SYNE2: variants seen among roughly 807,000 people sequenced by gnomAD.
SYNE2 encodes the protein nesprin-2.
In SYNE2, 431 loss-of-function variants were observed where a neutral mutation model predicts 856.3. The observed-to-expected ratio is 0.50, with a 90% CI of 0.47 to 0.55. The LOEUF (loss-of-function observed/expected upper bound fraction) is 0.55. Ranked by LOEUF, SYNE2 falls within the 20% of genes least tolerant of loss-of-function variation. SYNE2 has a pLI of 0.00. For synonymous variants in SYNE2, 2,923 were observed against 2,872.3 expected (o/e 1.02, Z -0.56); for missense variants, 8,129 against 8,023.2 (o/e 1.01, Z -0.50).
At chr14:64,224,714 A>C (rs1427292296) in intron 114 of SYNE2, among the ~76,000 whole-genome samples, 167 bp downstream of exon 114, 2 of 152,138 alleles carry the variant, frequency 1.3e-5, no homozygotes, top group Admixed American at 1.3e-4. Flanking sequence ...CTTCTTTGGG[A>C]TCACAGTAGG....
chr14:63,785,211 A>G (rs1470135561), intron 1 of SYNE2, among the ~76,000 whole-genome samples: 1 of 152,090 alleles, frequency 6.6e-6, no homozygotes, highest in Non-Finnish European at 1.5e-5. Flanking sequence ...CTGTAATCCC[A>G]GCACTTGGGA....
At chr14:64,121,337 A>G (rs1453251971) in intron 68 of SYNE2, among the ~76,000 whole-genome samples, 4 of 152,126 alleles carry the variant, frequency 2.6e-5, no homozygotes, top group African/African-American at 4.8e-5. Flanking sequence ...CCTGGACAAC[A>G]TGGTGAAACC....
intron 65 of SYNE2, among the ~76,000 whole-genome samples, chr14:64,109,552 C>T (rs1032032624): frequency 6.6e-6 from 1 of 152,154 alleles, no homozygotes; most frequent in Non-Finnish European, 1.5e-5. Flanking sequence ...CTATTAGGCT[C>T]CAGTGACTCT....
intron 94 of SYNE2, among the ~76,000 whole-genome samples, chr14:64,170,850 T>C (rs774785704): frequency 1.8e-4 from 28 of 152,120 alleles, no homozygotes; most frequent in Non-Finnish European, 3.8e-4. Flanking sequence ...GAAGGGCAAA[T>C]TCAATGGGTA....
At position 64,171,978 on chromosome 14, in the gene SYNE2, G is replaced by T. The variant is rs1317240415; in HGVS notation, c.17235+1516G>T. On this transcript the variant is annotated intron_variant, in intron 94 of 115. Transcript: ENST00000555002. Reference sequence around the variant, plus strand: ...CAATTCTCGTGTCTCAGCCTCCCAAGTAGCTGGGATTACAGGCGCCCGCCA... The same window carrying T: ...CAATTCTCGTGTCTCAGCCTCCCAATTAGCTGGGATTACAGGCGCCCGCCA... Among the ~76,000 whole-genome samples the T allele has an allele frequency of 3.3e-5, 5 of 152,184 alleles. No individual in the cohort carries two copies. In the East Asian group the frequency reaches 9.6e-4, roughly 29 times the overall value.
Position 64,007,206 on chromosome 14 carries a change from G to A in SYNE2, c.4561G>A (p.Ala1521Thr). Reference sequence around the variant, plus strand: ...AGTAGTCTTGTGGGAGAATACCAAAGCCTTGGTCACCGAATGGTAAGGAAA... The same window carrying A: ...AGTAGTCTTGTGGGAGAATACCAAAACCTTGGTCACCGAATGGTAAGGAAA... ...NTVVLWENTK[A>T]LVTECLEQCG... The change falls in exon 31 of 116, where the codon GCC (alanine) becomes ACC (threonine). Residue 1521 changes from alanine to threonine, a missense_variant. By Grantham distance (58) the Ala-to-Thr change is moderately conservative (BLOSUM62 0). This residue lies in a region of SYNE2 where 2,422 missense variants were observed against 2,357.4 expected (regional missense o/e 1.03). Transcript: ENST00000555002. 1.2e-6 allele frequency: 2 copies of A among 1,614,090 alleles called. No individual in the cohort carries two copies. The highest frequency in any genetic ancestry group is 8.5e-7 in the Non-Finnish European group (1 of 1,179,970).
chr14:63,997,103 G>A lies in SYNE2; in HGVS notation c.3097G>A (p.Ala1033Thr), dbSNP rs770646157. 5.0e-6 allele frequency: 8 copies of A among 1,614,088 alleles called. No individual in the cohort carries two copies. The East Asian group carries it at 1.8e-4, about 36-fold the overall frequency. ...AAAGATAGAAAGACTTCTGAAATGTGCTTCCGAGATTCATATGACACTGCA... is the reference window on the plus strand; with the variant it reads ...AAAGATAGAAAGACTTCTGAAATGTACTTCCGAGATTCATATGACACTGCA... The part of the protein sequence containing the change: ...EQKIERLLKC[A>T]SEIHMTLQPT... Residue 1033 changes from alanine (A) to threonine (T), a missense_variant, in exon 24 of 116, where the codon GCT becomes ACT. Ala to Thr is a moderately conservative substitution (Grantham distance 58). Coordinates refer to ENST00000555002, the MANE Select transcript of SYNE2 (RefSeq NM_182914.3).
intron 9 of SYNE2, among the ~76,000 whole-genome samples, chr14:63,962,255 C>T (rs2096328873): frequency 6.6e-6 from 1 of 151,944 alleles, no homozygotes; most frequent in Non-Finnish European, 1.5e-5. Context: ...TGGGTTTCAC[C>T]ATGTTGGCCA....
chr14:64,055,944 A>C lies in SYNE2; in HGVS notation c.9745A>C (p.Asn3249His). The change falls in exon 49 of 116, where the codon AAT (asparagine) becomes CAT (histidine). Residue 3249 changes from asparagine (N) to histidine (H), a missense_variant and splice_region_variant. Coordinates refer to ENST00000555002, the MANE Select transcript of SYNE2 (RefSeq NM_182914.3). ...QLNTSIDLRT[N>H]VLNDAYENLT... ...CAGCATTTAATCTCCTATTCACTAG[A>C]ATGTCTTGAATGATGCTTATGAAAA... 1 of 1,612,824 alleles carries C rather than the reference A, an allele frequency of 6.2e-7. No homozygotes were observed. Among genetic ancestry groups the C allele is most frequent in the Non-Finnish European group, 8.5e-7 (1 of 1,179,062 alleles).
intron 2 of SYNE2, among the ~76,000 whole-genome samples, chr14:63,914,238 A>C (rs944790903): frequency 2.0e-5 from 3 of 152,192 alleles, no homozygotes; most frequent in Non-Finnish European, 4.4e-5. Context: ...ATGATTATGA[A>C]AGCAGTAGGG....
intron 1 of SYNE2, among the ~76,000 whole-genome samples, chr14:63,900,235 T>A (rs2095318061): frequency 6.6e-6 from 1 of 152,248 alleles, no homozygotes; most frequent in African/African-American, 2.4e-5. Context: ...TGAGAATTGC[T>A]ACATTTTTGT....
chr14:63,939,546 C>T (rs182909641), intron 2 of SYNE2, among the ~76,000 whole-genome samples: 1 of 151,848 alleles, frequency 6.6e-6, no homozygotes, highest in Admixed American at 6.6e-5. Flanking sequence ...TGGGGTTTCC[C>T]CATGTTGTCC....
chr14:63,841,167 C>A (rs547055857), intron 1 of SYNE2, among the ~76,000 whole-genome samples: 1 of 152,148 alleles, frequency 6.6e-6, no homozygotes, highest in Non-Finnish European at 1.5e-5. Flanking sequence ...AGAGCAGATA[C>A]TCCACAGCTG....
chr14:64,029,068 A>G lies in SYNE2; in HGVS notation c.6715-827A>G, dbSNP rs984585633. Among the ~76,000 whole-genome samples, 9 of 152,252 alleles carry G rather than the reference A, an allele frequency of 5.9e-5. No homozygotes were observed. In the East Asian group the frequency reaches 1.7e-3, roughly 29 times the overall value. ...GGAGAGTTGCTTGAACCCAGGAGGT[A>G]GAGGTTGCAGTGAGCCGAGATTGCA... On this transcript the variant is annotated intron_variant, in intron 43 of 115. Coordinates refer to ENST00000555002, the MANE Select transcript of SYNE2 (RefSeq NM_182914.3).
At chr14:63,807,843 A>ATATATATATATATATATATG (rs1888433956) in intron 1 of SYNE2, among the ~76,000 whole-genome samples, 1 of 101,948 alleles carries the variant, frequency 9.8e-6, no homozygotes. Flanking sequence ...ATATATATAT[A>ATATATATATATATATATATG]TATATATATA....
intron 1 of SYNE2, among the ~76,000 whole-genome samples, chr14:63,784,289 G>A (rs1180353863): frequency 2.7e-5 from 4 of 150,760 alleles, no homozygotes; most frequent in Non-Finnish European, 5.9e-5. Context: ...TCAGGAGTTC[G>A]AGACCAGCGT....
intron 31 of SYNE2, among the ~76,000 whole-genome samples, chr14:64,007,704 C>G (rs1264048907): frequency 1.3e-5 from 2 of 151,982 alleles, no homozygotes; most frequent in East Asian, 3.9e-4. Context: ...TGGTGAAACC[C>G]CATCTCTACA....
intron 92 of SYNE2, among the ~76,000 whole-genome samples, chr14:64,168,015 A>G (rs1323292468): frequency 6.6e-6 from 1 of 152,224 alleles, no homozygotes; most frequent in Non-Finnish European, 1.5e-5. Context: ...GTATAATTAT[A>G]ACTGTAGCGT....
chr14:64,118,986 C>T (rs1300193350), intron 66 of SYNE2, among the ~76,000 whole-genome samples: 1 of 151,992 alleles, frequency 6.6e-6, no homozygotes, highest in Non-Finnish European at 1.5e-5. Context: ...CTGATAATGA[C>T]CTTAGGAGGT....
Sources: gnomAD v4.1 joint callset for allele counts (sites outside exome capture counted in the v4.1 genomes callset) on GRCh38, gnomAD v4.1.1 for gene constraint, gnomAD v4.1.1 regional missense constraint, MANE v1.5 for transcripts, NCBI Gene and HGNC (gene_info 2026-07-23, HGNC 2026-07-21) for gene names.